FOXK2: variants seen among roughly 807,000 people sequenced by gnomAD.
FOXK2 encodes the protein forkhead box protein K2.
A neutral mutation model predicts 53.3 loss-of-function variants in FOXK2; 24 were observed. The ratio of observed to expected loss-of-function variants is 0.45; its 90% CI spans 0.33 to 0.63. The LOEUF (loss-of-function observed/expected upper bound fraction) is 0.63, where lower values mean the gene tolerates loss of function less well. Among genes scored for constraint, FOXK2 ranks in the 30% least tolerant of loss-of-function variants. The pLI, the probability that FOXK2 is intolerant of heterozygous loss-of-function variation, is 0.03. For synonymous variants in FOXK2, 505 were observed against 407.1 expected (o/e 1.24, Z -2.89); for missense variants, 952 against 910.5 (o/e 1.05, Z -0.59).
intron 3 of FOXK2, 33 bp from the exon 4 acceptor site, chr17:82,571,691 A>G: frequency 6.8e-7 from 1 of 1,469,638 alleles, no homozygotes; most frequent in African/African-American, 1.5e-5. Context: ...TGGTAACTTC[A>G]ATATTCGTTT....
intron 1 of FOXK2, among the ~76,000 whole-genome samples, chr17:82,558,401 G>A (rs962808000): frequency 3.9e-5 from 6 of 152,190 alleles, no homozygotes; most frequent in Non-Finnish European, 7.3e-5. Flanking sequence ...TGCCCTGTCC[G>A]CGGAGAGCAC....
chr17:82,545,720 T>A (rs1395520775), intron 1 of FOXK2, among the ~76,000 whole-genome samples: 1 of 152,036 alleles, frequency 6.6e-6, no homozygotes, highest in Non-Finnish European at 1.5e-5. Context: ...TGGCTGGGAT[T>A]ATAGGTACGC....
intron 4 of FOXK2, chr17:82,577,114 A>G (rs1346185566): frequency 1.8e-6 from 1 of 552,872 alleles, no homozygotes; most frequent in Non-Finnish European, 3.3e-6. Context: ...GTGAGCTGAT[A>G]CCGCGTCATT....
intron 1 of FOXK2, among the ~76,000 whole-genome samples, chr17:82,529,744 A>G (rs186129800): frequency 1.3e-5 from 2 of 152,296 alleles, no homozygotes; most frequent in African/African-American, 4.8e-5. Flanking sequence ...GAGTCACTAG[A>G]TAACTCCTCC....
intron 4 of FOXK2, among the ~76,000 whole-genome samples, chr17:82,572,481 C>A (rs376547256): frequency 2.8e-4 from 39 of 138,936 alleles, no homozygotes; most frequent in African/African-American, 9.9e-4. Flanking sequence ...TCAGCTCACA[C>A]ACCAATAATT....
At chr17:82,552,506 C>T (rs11653963) in intron 1 of FOXK2, among the ~76,000 whole-genome samples, 6,182 of 151,384 alleles carry the variant, frequency 0.041, 135 homozygotes, top group Non-Finnish European at 0.044. Flanking sequence ...ACCCTCCTGT[C>T]GCTTTAATCC....
intron 8 of FOXK2, among the ~76,000 whole-genome samples, chr17:82,591,191 A>C (rs1232078578): frequency 6.6e-6 from 1 of 152,094 alleles, no homozygotes; most frequent in Non-Finnish European, 1.5e-5. Flanking sequence ...GGCGCAGGGC[A>C]TGAGCTGCCA....
At chr17:82,586,438 TCAAAGGTGGGCCGGGGGGG>T in intron 7 of FOXK2, among the ~76,000 whole-genome samples, 9 of 42,562 alleles carry the variant, frequency 2.1e-4, no homozygotes, top group Admixed American at 7.6e-4. Context: ...CACAGGGAGG[TCAAAGGTGGGCCGGGGGGG>T]GAAAGGAGGA....
chr17:82,531,620 T>C (rs1451316580), intron 1 of FOXK2, among the ~76,000 whole-genome samples: 3 of 152,152 alleles, frequency 2.0e-5, no homozygotes, highest in African/African-American at 7.2e-5. Flanking sequence ...TGTGACTGTA[T>C]TGAATGCTGT....
At chr17:82,600,105 G>T (rs2045366959) in intron 8 of FOXK2, 1 of 152,334 alleles carries the variant, frequency 6.6e-6, no homozygotes, top group Middle Eastern at 3.1e-3. Flanking sequence ...AGGGGCCTAG[G>T]ACCTGCTTCT....
intron 1 of FOXK2, among the ~76,000 whole-genome samples, chr17:82,548,082 CT>C (rs748066530): frequency 1.3e-5 from 2 of 152,216 alleles, no homozygotes; most frequent in African/African-American, 4.8e-5. Context: ...CATCACGCTG[CT>C]GTGAACGTCT....
intron 3 of FOXK2, among the ~76,000 whole-genome samples, chr17:82,571,184 A>G (rs550451000): frequency 5.3e-5 from 8 of 152,334 alleles, no homozygotes; most frequent in Non-Finnish European, 1.0e-4. Flanking sequence ...ACTGAGGTCA[A>G]GCAGCCTTTA....
At chr17:82,539,774 G>T (rs1041088285) in intron 1 of FOXK2, among the ~76,000 whole-genome samples, 1 of 151,948 alleles carries the variant, frequency 6.6e-6, no homozygotes, top group African/African-American at 2.4e-5. Context: ...AGACCAGGCT[G>T]GCCAACATGG....
chr17:82,520,742 T>TTTG (rs771400453), intron 1 of FOXK2, among the ~76,000 whole-genome samples: 2 of 152,262 alleles, frequency 1.3e-5, no homozygotes, highest in African/African-American at 4.8e-5. Flanking sequence ...TCTGTTGTCT[T>TTTG]TTGTTGTTGT....
chr17:82,531,179 G>C (rs984435540), intron 1 of FOXK2, among the ~76,000 whole-genome samples: 2 of 152,154 alleles, frequency 1.3e-5, no homozygotes, highest in Admixed American at 1.3e-4. Flanking sequence ...TCCTGGGGTT[G>C]TAGCCTTTGA....
rs2044341192 is a variant in FOXK2 at position 82,519,917 on chromosome 17, G to C, written c.29G>C (p.Gly10Ala). 1 of 978,554 alleles carries C rather than the reference G, an allele frequency of 1.0e-6. No individual in the cohort carries two copies. Among genetic ancestry groups the C allele is most frequent in the East Asian group, 1.2e-4 (1 of 8,608 alleles). The allele number at this position is 978,554 out of a possible 1,614,324, so 60.6% of individuals were successfully genotyped here. A position where few individuals can be genotyped will look rare whatever the true frequency, so the allele number is the denominator to read the frequency against. The part of the protein sequence containing the change: MAAAAAALS[G>A]AGTPPAGGGA... ...GCGGCGGCCGCGGCGGCGCTCTCGG[G>C]CGCGGGCACGCCACCCGCGGGCGGC... The change falls in exon 1 of 9, where the codon GGC becomes GCC. Residue 10 changes from glycine to alanine, a missense_variant. Coordinates refer to ENST00000335255, the MANE Select transcript of FOXK2 (RefSeq NM_004514.4).
intron 1 of FOXK2, among the ~76,000 whole-genome samples, chr17:82,525,001 G>A (rs180699563): frequency 1.1e-3 from 157 of 137,310 alleles, no homozygotes; most frequent in Middle Eastern, 3.5e-3. Context: ...TTTTTAAATC[G>A]GTCTCTGTCT....
intron 1 of FOXK2, among the ~76,000 whole-genome samples, chr17:82,559,832 G>A (rs2144108470): frequency 6.6e-6 from 1 of 152,170 alleles, no homozygotes; most frequent in Non-Finnish European, 1.5e-5. Flanking sequence ...GAGCAGGAAG[G>A]AAAAGAGGTA....
At chr17:82,570,153 T>C (rs575363097) in intron 3 of FOXK2, among the ~76,000 whole-genome samples, 71 of 149,344 alleles carry the variant, frequency 4.8e-4, no homozygotes, top group African/African-American at 1.4e-3. Flanking sequence ...ACCCGGGAGG[T>C]GGAGCTTGCA....
Sources: gnomAD v4.1 joint callset for allele counts (sites outside exome capture counted in the v4.1 genomes callset) on GRCh38, gnomAD v4.1.1 for gene constraint, MANE v1.5 for transcripts, NCBI Gene and HGNC (gene_info 2026-07-23, HGNC 2026-07-21) for gene names.